The following PRKX variants were observed in gnomAD, a reference collection of about 807,000 sequenced individuals.
The protein encoded by PRKX is cAMP-dependent protein kinase catalytic subunit PRKX.
In PRKX, 12 loss-of-function variants were observed where a neutral mutation model predicts 22.0. The observed-to-expected ratio is 0.54, with a 90% CI of 0.35 to 0.88. The LOEUF is 0.88. Ranked by LOEUF, PRKX falls within the 40% of genes least tolerant of loss-of-function variation. PRKX has a pLI of 0.01. For synonymous variants in PRKX, 134 were observed against 137.7 expected (o/e 0.97, Z 0.19); for missense variants, 217 against 308.0 (o/e 0.70, Z 2.21).
At chrX:3,707,581 C>T (rs113164406) in intron 1 of PRKX, among the ~76,000 whole-genome samples, 44 of 110,914 alleles carry the variant, frequency 4.0e-4, no homozygotes, top group Non-Finnish European at 7.7e-4. Context: ...CACAGCGAGA[C>T]CCTGTCTCTT....
At chrX:3,609,809 T>C (rs1036448633) in intron 8 of PRKX, among the ~76,000 whole-genome samples, 34 of 111,720 alleles carry the variant, frequency 3.0e-4, no homozygotes, top group African/African-American at 1.0e-3. Flanking sequence ...TATCCACCAA[T>C]AGATGATGAA....
intron 1 of PRKX, among the ~76,000 whole-genome samples, chrX:3,701,763 G>C (rs1033150252): frequency 9.0e-6 from 1 of 111,358 alleles, no homozygotes; most frequent in Non-Finnish European, 1.9e-5. Flanking sequence ...AAAGAAGCTG[G>C]CCAAATCCCA....
At chrX:3,660,906 A>G (rs1208865196) in intron 2 of PRKX, among the ~76,000 whole-genome samples, 1 of 109,861 alleles carries the variant, frequency 9.1e-6, no homozygotes, top group Non-Finnish European at 1.9e-5. Flanking sequence ...GAGGAGGGGA[A>G]GGAAGAAGAG....
intron 1 of PRKX, among the ~76,000 whole-genome samples, chrX:3,710,423 G>A (rs866199439): frequency 1.8e-5 from 2 of 112,268 alleles, no homozygotes; most frequent in South Asian, 7.4e-4. Context: ...CCAGGCTGGA[G>A]CGCAGTGGTG....
chrX:3,700,553 C>CT (rs200000195), intron 1 of PRKX, among the ~76,000 whole-genome samples: 22 of 108,718 alleles, frequency 2.0e-4, no homozygotes, highest in East Asian at 8.7e-4. Context: ...TTTTTCTTCT[C>CT]TTTTTTTTTC....
intron 6 of PRKX, among the ~76,000 whole-genome samples, chrX:3,620,862 C>A (rs189573324): frequency 8.9e-6 from 1 of 111,800 alleles, no homozygotes; most frequent in Non-Finnish European, 1.9e-5. Flanking sequence ...CGTGTGTATA[C>A]TAAAAGCCAC....
chrX:3,653,831 A>ATATATTATATACTATGTGATATATATAT (rs1442884737), intron 3 of PRKX, among the ~76,000 whole-genome samples: 1 of 77,753 alleles, frequency 1.3e-5, no homozygotes. Context: ...TATATATATT[A>ATATATTATATACTATGTGATATATATAT]TATATTATAT....
intron 5 of PRKX, 134 bp downstream of exon 5, chrX:3,626,285 C>A: frequency 2.2e-6 from 1 of 460,186 alleles, no homozygotes; most frequent in Non-Finnish European, 3.7e-6. Flanking sequence ...GTGGAAAAGA[C>A]AACTGTCCAA....
At chrX:3,612,471 A>T (rs7066317) in intron 7 of PRKX, 146 bp from the exon 8 acceptor site, 169 of 675,651 alleles carry the variant, frequency 2.5e-4, no homozygotes, top group Admixed American at 3.3e-4. Context: ...CATTTATGAA[A>T]GCGGCAATCT....
chrX:3,684,450 T>G (rs1249879441), intron 1 of PRKX, among the ~76,000 whole-genome samples: 3 of 110,898 alleles, frequency 2.7e-5, no homozygotes, highest in Non-Finnish European at 5.7e-5. Context: ...TCTGCAGTAT[T>G]CGCTACTCTC....
chrX:3,626,645 T>C, intron 4 of PRKX, 131 bp from the exon 5 acceptor site: 2 of 546,972 alleles, frequency 3.7e-6, no homozygotes, highest in South Asian at 5.8e-5. Context: ...CCCCGCACAC[T>C]GAAGTTGTCA....
chrX:3,634,106 C>A (rs1182437248), intron 4 of PRKX, among the ~76,000 whole-genome samples: 2 of 108,720 alleles, frequency 1.8e-5, no homozygotes, highest in Non-Finnish European at 3.8e-5. Context: ...AAAAATTAGC[C>A]AGGCACGGTG....
At chrX:3,622,723 T>G (rs954922404) in intron 5 of PRKX, among the ~76,000 whole-genome samples, 3 of 111,972 alleles carry the variant, frequency 2.7e-5, no homozygotes, top group Non-Finnish European at 5.6e-5. Context: ...GTATCCATCC[T>G]GTAAGGCTGA....
chrX:3,631,838 G>C (rs1215587079), intron 4 of PRKX, among the ~76,000 whole-genome samples: 1 of 112,762 alleles, frequency 8.9e-6, no homozygotes, highest in African/African-American at 3.2e-5. Flanking sequence ...CTGGAGTACA[G>C]TCCTGAGACA....
At chrX:3,687,029 A>AT (rs1038408241) in intron 1 of PRKX, among the ~76,000 whole-genome samples, 3 of 110,591 alleles carry the variant, frequency 2.7e-5, no homozygotes, top group African/African-American at 9.9e-5. Flanking sequence ...TAATTAATTA[A>AT]TTTTTTTTAA....
intron 8 of PRKX, among the ~76,000 whole-genome samples, chrX:3,610,470 A>C (rs1414877152): frequency 9.0e-6 from 1 of 111,369 alleles, no homozygotes; most frequent in Non-Finnish European, 1.9e-5. Flanking sequence ...CAACCGAGCG[A>C]GACTCTGTCT....
intron 4 of PRKX, among the ~76,000 whole-genome samples, chrX:3,636,032 C>T (rs1040552509): frequency 8.9e-6 from 1 of 112,451 alleles, no homozygotes; most frequent in African/African-American, 3.2e-5. Context: ...ATGTGCCACA[C>T]AATTTTCATC....
intron 2 of PRKX, among the ~76,000 whole-genome samples, chrX:3,661,980 A>T (rs1301745975): frequency 8.9e-6 from 1 of 112,160 alleles, no homozygotes; most frequent in African/African-American, 3.2e-5. Flanking sequence ...TGAATTCATC[A>T]ACACATTAAT....
At chrX:3,668,603 G>A (rs1373961157) in intron 2 of PRKX, among the ~76,000 whole-genome samples, 1 of 111,994 alleles carries the variant, frequency 8.9e-6, no homozygotes, top group African/African-American at 3.3e-5. Flanking sequence ...ATGGAGAAAC[G>A]AGCGGTCATC....
Sources: allele counts gnomAD v4.1 joint callset (sites outside exome capture counted in the v4.1 genomes callset), GRCh38; gene constraint gnomAD v4.1.1; transcripts MANE v1.5; gene names NCBI Gene and HGNC (gene_info 2026-07-23, HGNC 2026-07-21).